Variants in GUCY1A1 observed in about 807,000 individuals in gnomAD.
The protein encoded by GUCY1A1 is guanylate cyclase soluble subunit alpha-1.
A neutral mutation model predicts 64.5 loss-of-function variants in GUCY1A1; 48 were observed. The observed-to-expected ratio is 0.74, with a 90% CI of 0.59 to 0.95. The LOEUF is 0.95. GUCY1A1 is among the 40% of genes least tolerant of loss of function. The probability of loss-of-function intolerance (pLI) is 0.00; values close to 1 mark genes in which losing one functional copy is unlikely to be tolerated. For missense variants in GUCY1A1, 804 were observed against 825.3 expected (o/e 0.97, Z 0.32); for synonymous variants, 308 against 303.4 (o/e 1.02, Z -0.16).
intron 2 of GUCY1A1, among the ~76,000 whole-genome samples, chr4:155,679,461 G>A (rs546294075): frequency 1.3e-5 from 2 of 152,356 alleles, no homozygotes; most frequent in South Asian, 4.1e-4. Flanking sequence ...ATGGCAGAAG[G>A]TGAAGGGGAG....
chr4:155,687,838 C>T (rs1158740752), intron 2 of GUCY1A1, among the ~76,000 whole-genome samples: 3 of 152,128 alleles, frequency 2.0e-5, no homozygotes. Flanking sequence ...GGGCATGGCA[C>T]CTACATTTAT....
chr4:155,669,825 A>C (rs1560904249), intron 2 of GUCY1A1, among the ~76,000 whole-genome samples: 1 of 152,216 alleles, frequency 6.6e-6, no homozygotes, highest in Non-Finnish European at 1.5e-5. Flanking sequence ...AAGGGAAATT[A>C]AATCCTGCAT....
chr4:155,686,650 A>C (rs967607319), intron 2 of GUCY1A1, among the ~76,000 whole-genome samples: 1 of 152,244 alleles, frequency 6.6e-6, no homozygotes, highest in Non-Finnish European at 1.5e-5. Context: ...GGTTGTTATG[A>C]GATTTTGTTT....
rs747823299 is a variant in GUCY1A1 at position 155,710,929 on chromosome 4, A to T, written c.764A>T (p.Tyr255Phe). The T allele has an allele frequency of 2.5e-6, 4 of 1,613,836 alleles. No individual in the cohort carries two copies. The highest frequency in any genetic ancestry group is 1.1e-5 in the South Asian group (1 of 91,056). The change falls in exon 6 of 10, where the codon TAC becomes TTC. Residue 255 changes from tyrosine to phenylalanine, a missense_variant. By Grantham distance (22) the Tyr-to-Phe change is conservative (BLOSUM62 3). Transcript: ENST00000506455. Reference protein sequence around the residue: ...SEFVNQPYLLYSVHMKSTKPS... With the variant: ...SEFVNQPYLLFSVHMKSTKPS... ...TTTGTGAATCAGCCCTACTTGTTGT[A>T]CTCCGTTCACATGAAAAGCACCAAG... is the stretch of plus-strand genomic sequence containing the variant.
chr4:155,682,725 T>C (rs1313235416), intron 2 of GUCY1A1, among the ~76,000 whole-genome samples: 2 of 151,676 alleles, frequency 1.3e-5, no homozygotes, highest in East Asian at 3.9e-4. Context: ...TGTGTGTGTG[T>C]GTGTATATAC....
At chr4:155,727,521 T>C (rs1249273936) in intron 9 of GUCY1A1, among the ~76,000 whole-genome samples, 1 of 151,870 alleles carries the variant, frequency 6.6e-6, no homozygotes. Flanking sequence ...TAGGAGATTA[T>C]AATTGTCATT....
Position 155,703,920 on chromosome 4 carries a change from T to C in GUCY1A1, c.256-12T>C. The C allele has an allele frequency of 6.4e-7, 1 of 1,564,190 alleles. No homozygotes were observed. The highest frequency in any genetic ancestry group is 8.8e-7 in the Non-Finnish European group (1 of 1,142,014). On this transcript the variant is annotated splice_polypyrimidine_tract_variant and intron_variant, in intron 3 of 9. Transcript: ENST00000506455. ...TAAGGGAATGTTTAAAACATTTCTT[T>C]TGAACTTTCAGTTTGAACGGCTGAA...
In GUCY1A1 at chr4:155,717,214, A is replaced by T. The variant is rs770401787; in HGVS notation, c.1628A>T (p.Asp543Val). 4 of 1,590,220 alleles carry T rather than the reference A, an allele frequency of 2.5e-6. No individual in the cohort carries two copies. The highest frequency in any genetic ancestry group is 1.7e-4 in the Middle Eastern group (1 of 5,974). Reference protein sequence around the residue: ...CVAGGLHKESDTHAVQIALMA... With the variant: ...CVAGGLHKESVTHAVQIALMA... ...GCTGGGGGATTACACAAAGAGAGTGATACTCATGCTGTTCAGATAGCGCTG... is the reference window on the plus strand; with the variant it reads ...GCTGGGGGATTACACAAAGAGAGTGTTACTCATGCTGTTCAGATAGCGCTG... The change falls in exon 8 of 10, where the codon GAT becomes GTT. Residue 543 changes from aspartate to valine, a missense_variant. Transcript: ENST00000506455.
chr4:155,678,117 G>A (rs1162473177), intron 2 of GUCY1A1, among the ~76,000 whole-genome samples: 1 of 151,996 alleles, frequency 6.6e-6, no homozygotes, highest in South Asian at 2.1e-4. Flanking sequence ...CTCCAAAAAT[G>A]TACACTTATA....
intron 4 of GUCY1A1, among the ~76,000 whole-genome samples, chr4:155,707,835 C>CTTT (rs145866986): frequency 7.6e-6 from 1 of 131,804 alleles, no homozygotes; most frequent in African/African-American, 2.6e-5. Context: ...TTCTTTCTTT[C>CTTT]TTTCTTTTTT....
Position 155,722,128 on chromosome 4 carries a change from C to T in GUCY1A1, c.1807C>T (p.Leu603=), listed in dbSNP as rs767244549. The change falls in exon 9 of 10, where the codon CTG becomes TTG. Residue 603 remains leucine, a synonymous_variant. Transcript: ENST00000506455. ...RYCLFGNNVT[L]ANKFESCSVP... is the part of the protein sequence containing the mutation. Reference sequence around the variant, plus strand: ...CTGTCTTTTTGGAAACAATGTCACTCTGGCTAACAAATTTGAGTCCTGCAG... The same window carrying T: ...CTGTCTTTTTGGAAACAATGTCACTTTGGCTAACAAATTTGAGTCCTGCAG... The T allele has an allele frequency of 6.2e-7, 1 of 1,613,592 alleles. No individual in the cohort carries two copies. Among genetic ancestry groups the T allele is most frequent in the Admixed American group, 1.7e-5 (1 of 59,978 alleles).
intron 3 of GUCY1A1, among the ~76,000 whole-genome samples, chr4:155,703,138 T>A (rs903791774): frequency 6.6e-5 from 10 of 152,078 alleles, no homozygotes; most frequent in Non-Finnish European, 1.5e-4. Flanking sequence ...TAAGATAAAT[T>A]AATAGCTACT....
chr4:155,705,672 C>A (rs1731664678), intron 4 of GUCY1A1, among the ~76,000 whole-genome samples: 1 of 151,982 alleles, frequency 6.6e-6, no homozygotes, highest in Non-Finnish European at 1.5e-5. Context: ...GTTTTACAAA[C>A]CAGCACTATT....
chr4:155,708,310 A>G lies in GUCY1A1; in HGVS notation c.376+16A>G, dbSNP rs766085129. 2 of 1,411,000 alleles carry G rather than the reference A, an allele frequency of 1.4e-6. No homozygotes were observed. Among genetic ancestry groups the G allele is most frequent in the Non-Finnish European group, 2.0e-6 (2 of 997,786 alleles). The allele number at this position is 1,411,000 out of a possible 1,614,324, so 87.4% of individuals were successfully genotyped here. On this transcript the variant is annotated intron_variant, in intron 5 of 9. Transcript: ENST00000506455. ...GTTGCAGCAGGTAATAGAATTGTTT[A>G]TGTAATTAGAAAGTATGCCATATAC...
At chr4:155,694,146 C>A (rs1730122288) in intron 2 of GUCY1A1, among the ~76,000 whole-genome samples, 1 of 152,102 alleles carries the variant, frequency 6.6e-6, no homozygotes, top group South Asian at 2.1e-4. Flanking sequence ...TAATAAAGCT[C>A]TTTTCCCTGA....
At chr4:155,715,817 A>G (rs13118542) in intron 7 of GUCY1A1, among the ~76,000 whole-genome samples, 5,746 of 152,300 alleles carry the variant, frequency 0.038, 137 homozygotes, top group Middle Eastern at 0.075. Context: ...ATAAACTCAA[A>G]GGGCTTACAT....
intron 5 of GUCY1A1, among the ~76,000 whole-genome samples, chr4:155,708,988 A>G (rs28737181): frequency 0.016 from 2,408 of 152,264 alleles, 65 homozygotes; most frequent in African/African-American, 0.055. Flanking sequence ...CCTTGACATA[A>G]CTAACTCCAT....
rs1260955492 is a variant in GUCY1A1, at chr4:155,696,932, C to A, written c.65C>A (p.Pro22Gln). The A allele has an allele frequency of 6.2e-7, 1 of 1,612,736 alleles. No homozygotes were observed. Among genetic ancestry groups the A allele is most frequent in the Admixed American group, 1.7e-5 (1 of 59,942 alleles). Reference protein sequence around the residue: ...TGECPFSLLAPGQVPNESSEE... With the variant: ...TGECPFSLLAQGQVPNESSEE... ...GAGTGTCCTTTCTCCTTACTGGCAC[C>A]AGGTCAAGTTCCTAACGAGTCTTCA... Residue 22 changes from proline to glutamine, a missense_variant, in exon 3 of 10, where the codon CCA becomes CAA. Pro to Gln is a moderately conservative substitution (Grantham distance 76). Coordinates refer to ENST00000506455, the MANE Select transcript of GUCY1A1 (RefSeq NM_001130682.3).
intron 3 of GUCY1A1, among the ~76,000 whole-genome samples, chr4:155,702,673 A>G (rs909171774): frequency 2.6e-5 from 4 of 152,110 alleles, no homozygotes; most frequent in African/African-American, 9.7e-5. Context: ...TTGTAAATTT[A>G]AATTCTCTTT....
Sources: allele counts gnomAD v4.1 joint callset (sites outside exome capture counted in the v4.1 genomes callset), GRCh38; gene constraint gnomAD v4.1.1; transcripts MANE v1.5; gene names NCBI Gene and HGNC (gene_info 2026-07-23, HGNC 2026-07-21).